Variants in TEAD1 observed in about 807,000 individuals in gnomAD.
The protein encoded by TEAD1 is transcriptional enhancer factor TEF-1.
Under a neutral mutation model 54.9 loss-of-function variants are expected in TEAD1, and 9 were observed. That is an observed-to-expected ratio of 0.16 (90% CI 0.10 to 0.29). TEAD1 has a LOEUF of 0.29. Among genes scored for constraint, TEAD1 ranks in the 10% least tolerant of loss-of-function variants. The pLI, the probability that TEAD1 is intolerant of heterozygous loss-of-function variation, is 1.00. For synonymous variants in TEAD1, 200 were observed against 187.8 expected, an observed-to-expected ratio of 1.07 and a Z score of -0.53; for missense variants, 387 against 535.9, an observed-to-expected ratio of 0.72 and a Z score of 2.74.
intron 12 of TEAD1, among the ~76,000 whole-genome samples, chr11:12,935,142 C>T (rs768197296): frequency 5.9e-5 from 9 of 152,182 alleles, no homozygotes; most frequent in Non-Finnish European, 8.8e-5. Flanking sequence ...AAAACTGTAG[C>T]TCTTGCTACC....
chr11:12,897,598 T>C (rs188090228), intron 9 of TEAD1, among the ~76,000 whole-genome samples: 2 of 152,266 alleles, frequency 1.3e-5, no homozygotes, highest in African/African-American at 4.8e-5. Flanking sequence ...CAGAGTTTGG[T>C]TTCAAGTCAC....
intron 10 of TEAD1, chr11:12,921,363 C>G (rs1188769283): frequency 1.3e-5 from 2 of 151,982 alleles, no homozygotes; most frequent in Non-Finnish European, 2.9e-5. Flanking sequence ...GTGGAGAAAC[C>G]TCGTCTCTAC....
intron 3 of TEAD1, among the ~76,000 whole-genome samples, chr11:12,855,001 C>T (rs1324950668): frequency 2.0e-5 from 3 of 152,172 alleles, no homozygotes; most frequent in Non-Finnish European, 4.4e-5. Context: ...CCGTAGGCCT[C>T]CTTTCTTTTC....
In TEAD1 at chr11:12,856,953, A is replaced by G. The variant is rs114963010; in HGVS notation, c.203-5297A>G. ...AAAGCTTGAGTGTCTCTGGGCTACAATTTCTAGCCACAGACCTTCATTTGC... is the reference window on the plus strand; with the variant it reads ...AAAGCTTGAGTGTCTCTGGGCTACAGTTTCTAGCCACAGACCTTCATTTGC... On this transcript the variant is annotated intron_variant, in intron 3 of 12. Transcript: ENST00000527636. Among the ~76,000 whole-genome samples the G allele has an allele frequency of 4.1e-3, 629 of 152,272 alleles. 2 individuals carry two copies. Among genetic ancestry groups the G allele is most frequent in the African/African-American group, 0.011 (457 of 41,542 alleles).
At chr11:12,875,269 C>T (rs1239923035) in intron 5 of TEAD1, among the ~76,000 whole-genome samples, 4 of 152,176 alleles carry the variant, frequency 2.6e-5, no homozygotes, top group South Asian at 2.1e-4. Flanking sequence ...AGGATAGAGT[C>T]GAATGCTTTA....
chr11:12,721,755 C>T (rs1944204371), intron 2 of TEAD1, among the ~76,000 whole-genome samples: 1 of 152,180 alleles, frequency 6.6e-6, no homozygotes, highest in Non-Finnish European at 1.5e-5. Flanking sequence ...TTTGAACATC[C>T]TAACTCTTTA....
intron 3 of TEAD1, among the ~76,000 whole-genome samples, chr11:12,847,802 G>A (rs1242186624): frequency 2.0e-5 from 3 of 152,108 alleles, no homozygotes; most frequent in South Asian, 4.1e-4. Context: ...GATTATAGGC[G>A]TCAGCCACTG....
At chr11:12,790,728 AAAG>A (rs1475124248) in intron 3 of TEAD1, among the ~76,000 whole-genome samples, 3 of 152,340 alleles carry the variant, frequency 2.0e-5, no homozygotes, top group South Asian at 4.1e-4. Context: ...TCTTCTGTAT[AAAG>A]AAGGTGTATA....
intron 12 of TEAD1, among the ~76,000 whole-genome samples, chr11:12,935,646 G>T (rs1949086100): frequency 6.6e-6 from 1 of 152,082 alleles, no homozygotes; most frequent in South Asian, 2.1e-4. Context: ...TTTTAGTAGA[G>T]ACGGGGTTTC....
chr11:12,842,486 C>T (rs1431757550), intron 3 of TEAD1, among the ~76,000 whole-genome samples: 1 of 152,180 alleles, frequency 6.6e-6, no homozygotes, highest in East Asian at 1.9e-4. Flanking sequence ...GCTTGGTGAA[C>T]TTCCGGAGAT....
At chr11:12,837,355 A>G (rs1282915625) in intron 3 of TEAD1, among the ~76,000 whole-genome samples, 1 of 152,200 alleles carries the variant, frequency 6.6e-6, no homozygotes, top group Non-Finnish European at 1.5e-5. Flanking sequence ...TGGGCCAGGC[A>G]TCGGGTCCTC....
At chr11:12,705,449 A>G (rs781316986) in intron 2 of TEAD1, among the ~76,000 whole-genome samples, 2 of 152,144 alleles carry the variant, frequency 1.3e-5, no homozygotes, top group Admixed American at 6.5e-5. Flanking sequence ...TCTGGATCCC[A>G]TTTGCTCTTA....
intron 9 of TEAD1, among the ~76,000 whole-genome samples, chr11:12,898,418 G>A (rs1202044856): frequency 1.3e-5 from 2 of 148,156 alleles, no homozygotes; most frequent in East Asian, 2.0e-4. Context: ...TTTTTGAGAC[G>A]GAGTATCTCT....
intron 3 of TEAD1, among the ~76,000 whole-genome samples, chr11:12,837,715 C>CCTTCTCCT (rs1554940181): frequency 8.2e-5 from 5 of 60,736 alleles, no homozygotes; most frequent in Admixed American, 1.8e-4. Flanking sequence ...CTCCCTTCTC[C>CCTTCTCCT]TTCTCCTTCT....
At chr11:12,763,765 G>C (rs916879201) in intron 2 of TEAD1, among the ~76,000 whole-genome samples, 12 of 152,160 alleles carry the variant, frequency 7.9e-5, no homozygotes, top group Non-Finnish European at 1.3e-4. Context: ...AGTGCCCCTG[G>C]TAGATAGTAG....
intron 2 of TEAD1, among the ~76,000 whole-genome samples, chr11:12,748,417 C>T (rs76041338): frequency 6.6e-6 from 1 of 152,172 alleles, no homozygotes; most frequent in African/African-American, 2.4e-5. Context: ...GCGTGTGCAG[C>T]TAGAATGTTG....
At chr11:12,752,305 A>G (rs997821572) in intron 2 of TEAD1, among the ~76,000 whole-genome samples, 1 of 148,478 alleles carries the variant, frequency 6.7e-6, no homozygotes, top group Admixed American at 6.9e-5. Context: ...CACACACATC[A>G]TCAATATTGA....
At position 12,706,997 on chromosome 11, in the gene TEAD1, G is replaced by A. The variant is rs192693839; in HGVS notation, c.-55+31436G>A. Among the ~76,000 whole-genome samples the A allele has an allele frequency of 3.6e-4, 55 of 151,998 alleles. 1 individual carries two copies. In the East Asian group the frequency reaches 8.7e-3, roughly 24 times the overall value. ...CTTTTCACCATGCTGTTTTACCCTC[G>A]TATGTCTCAGTTGCTGTGCCTAGGA... On this transcript the variant is annotated intron_variant, in intron 2 of 12. Transcript: ENST00000527636.
intron 12 of TEAD1, among the ~76,000 whole-genome samples, chr11:12,933,322 G>C (rs529931897): frequency 6.6e-6 from 1 of 152,084 alleles, no homozygotes; most frequent in Non-Finnish European, 1.5e-5. Flanking sequence ...AGAATTAATA[G>C]TTTAGTTTTA....
Sources: allele counts gnomAD v4.1 joint callset (sites outside exome capture counted in the v4.1 genomes callset), GRCh38; gene constraint gnomAD v4.1.1; transcripts MANE v1.5; gene names NCBI Gene and HGNC (gene_info 2026-07-23, HGNC 2026-07-21).